SDK2: variants seen among roughly 807,000 people sequenced by gnomAD.
SDK2 encodes the protein protein sidekick-2.
SDK2 carries 105 observed loss-of-function variants against 253.9 expected under a neutral mutation model. That is an observed-to-expected ratio of 0.41 (90% CI 0.35 to 0.49). The LOEUF (loss-of-function observed/expected upper bound fraction) is 0.49, where lower values mean the gene tolerates loss of function less well. Ranked by LOEUF, SDK2 falls within the 20% of genes least tolerant of loss-of-function variation. The probability of loss-of-function intolerance (pLI) is 0.06; values close to 1 mark genes in which losing one functional copy is unlikely to be tolerated. For synonymous variants in SDK2, 1,249 were observed against 1,234.9 expected (o/e 1.01, Z -0.24); for missense variants, 2,608 against 3,003.0 (o/e 0.87, Z 3.07).
At chr17:73,348,816 C>A in intron 43 of SDK2, 91 bp from the exon 44 acceptor site, 2 of 1,036,506 alleles carry the variant, frequency 1.9e-6, no homozygotes, top group Non-Finnish European at 2.8e-6. Context: ...GCCTGGGGAA[C>A]ACGGATCCCT....
chr17:73,416,045 G>C (rs1172105850), intron 16 of SDK2, 53 bp from the exon 17 acceptor site: 6 of 1,515,742 alleles, frequency 4.0e-6, no homozygotes, highest in African/African-American at 1.4e-5. Context: ...CCTTGGCCTC[G>C]TACCCAGGAA....
rs1166629505 is a variant in SDK2 at position 73,348,523 on chromosome 17, C to G, written c.6165+76G>C. On this transcript the variant is annotated intron_variant, in intron 44 of 44. Transcript: ENST00000392650. ...CCCCTTGAAGGAAAGGAAGAAAGCC[C>G]ATCTACGTTCACTGCCCCACTCTGG... The G allele has an allele frequency of 1.4e-5, 21 of 1,526,184 alleles. No individual in the cohort carries two copies. The East Asian group carries it at 4.9e-4, about 36-fold the overall frequency. The allele number at this position is 1,526,184 out of a possible 1,614,324, so 94.5% of individuals were successfully genotyped here.
At chr17:73,578,318 G>A (rs2045485774) in intron 1 of SDK2, among the ~76,000 whole-genome samples, 1 of 152,114 alleles carries the variant, frequency 6.6e-6, no homozygotes, top group Non-Finnish European at 1.5e-5. Flanking sequence ...GCCCGCCTCG[G>A]CCTCCCAAAG....
intron 1 of SDK2, among the ~76,000 whole-genome samples, chr17:73,552,107 G>A (rs1432946541): frequency 6.6e-6 from 1 of 152,088 alleles, no homozygotes; most frequent in Non-Finnish European, 1.5e-5. Flanking sequence ...CCCTGTCTGG[G>A]GCCCAGCTCT....
intron 1 of SDK2, among the ~76,000 whole-genome samples, chr17:73,553,521 G>A (rs931237666): frequency 3.9e-5 from 6 of 152,196 alleles, no homozygotes. Flanking sequence ...CTATGATGGT[G>A]TTTCCTGCAG....
In SDK2 at chr17:73,576,124, A is replaced by T. The variant is rs144073214; in HGVS notation, c.64+67901T>A. Among the ~76,000 whole-genome samples, 229 of 152,314 alleles carry T rather than the reference A, an allele frequency of 1.5e-3. 1 individual carries two copies. Among genetic ancestry groups the T allele is most frequent in the African/African-American group, 5.3e-3 (222 of 41,568 alleles). On this transcript the variant is annotated intron_variant, in intron 1 of 44. Coordinates refer to ENST00000392650, the MANE Select transcript of SDK2 (RefSeq NM_001144952.2). ...CTCGAGGCAAAAGGGGCTGCCTGGG[A>T]TGCCTGGGAGGAAGGTGAGTGTGGG...
chr17:73,599,985 T>C (rs987459360), intron 1 of SDK2, among the ~76,000 whole-genome samples: 1 of 152,246 alleles, frequency 6.6e-6, no homozygotes, highest in Non-Finnish European at 1.5e-5. Flanking sequence ...ACGCTAGACG[T>C]CCATTTAAAA....
intron 1 of SDK2, among the ~76,000 whole-genome samples, chr17:73,582,253 G>T (rs111755940): frequency 7.0e-6 from 1 of 142,760 alleles, no homozygotes; most frequent in Non-Finnish European, 1.5e-5. Context: ...ATTTGGGGGC[G>T]CACACCACGC....
chr17:73,581,288 C>T (rs1443607947), intron 1 of SDK2, among the ~76,000 whole-genome samples: 3 of 152,186 alleles, frequency 2.0e-5, no homozygotes, highest in African/African-American at 7.2e-5. Context: ...TTACACTGGG[C>T]CCTGCAAACT....
intron 1 of SDK2, among the ~76,000 whole-genome samples, chr17:73,572,406 C>T (rs759672588): frequency 1.1e-4 from 16 of 152,146 alleles, no homozygotes; most frequent in Non-Finnish European, 8.8e-5. Flanking sequence ...TGGAGCGCTC[C>T]GACCCCTCTT....
chr17:73,470,507 T>C (rs1432656446), intron 3 of SDK2, among the ~76,000 whole-genome samples: 1 of 152,210 alleles, frequency 6.6e-6, no homozygotes, highest in East Asian at 1.9e-4. Context: ...CTCTCAGCAC[T>C]GACTAAGCGA....
intron 40 of SDK2, among the ~76,000 whole-genome samples, chr17:73,353,008 T>G (rs917808392): frequency 6.6e-6 from 1 of 152,104 alleles, no homozygotes; most frequent in Admixed American, 6.5e-5. Context: ...AGGGAATTGC[T>G]TGAAGCTGGG....
At chr17:73,620,445 G>C (rs535660537) in intron 1 of SDK2, among the ~76,000 whole-genome samples, 5 of 152,188 alleles carry the variant, frequency 3.3e-5, no homozygotes, top group Non-Finnish European at 5.9e-5. Context: ...AAATGGTTCA[G>C]TAACTGTGGA....
chr17:73,614,426 C>G (rs2046021278), intron 1 of SDK2, among the ~76,000 whole-genome samples: 1 of 151,728 alleles, frequency 6.6e-6, no homozygotes, highest in Admixed American at 6.6e-5. Flanking sequence ...CCTGCTTATA[C>G]TCGTTTCCCC....
At chr17:73,411,864 C>T (rs2063128475) in intron 18 of SDK2, among the ~76,000 whole-genome samples, 1 of 149,720 alleles carries the variant, frequency 6.7e-6, no homozygotes, top group African/African-American at 2.5e-5. Flanking sequence ...TTCCGCCTTC[C>T]AGGTTCAAGC....
In SDK2 at chr17:73,471,323, C is replaced by T. The variant is rs184981004; in HGVS notation, c.331+789G>A. On this transcript the variant is annotated intron_variant, in intron 3 of 44. Coordinates refer to ENST00000392650, the MANE Select transcript of SDK2 (RefSeq NM_001144952.2). ...GATGGAAAATAAAAGTCATACTGGG[C>T]GCGGTGGCTCACACCTGTAAACCCA... Among the ~76,000 whole-genome samples, 19 of 152,190 alleles carry T rather than the reference C, an allele frequency of 1.2e-4. No homozygotes were observed. In the East Asian group the frequency reaches 2.9e-3, roughly 23 times the overall value.
intron 1 of SDK2, among the ~76,000 whole-genome samples, chr17:73,509,149 C>T (rs115017675): frequency 0.024 from 3,613 of 152,282 alleles, 140 homozygotes; most frequent in African/African-American, 0.082. Flanking sequence ...GACTTGTCTA[C>T]GTTCACTCCA....
intron 37 of SDK2, among the ~76,000 whole-genome samples, 196 bp downstream of exon 37, chr17:73,368,211 G>C (rs914258092): frequency 1.3e-5 from 2 of 152,092 alleles, no homozygotes; most frequent in Non-Finnish European, 2.9e-5. Flanking sequence ...AGGCTTTATG[G>C]GGACAGCTTC....
At chr17:73,531,614 C>T (rs760153691) in intron 1 of SDK2, among the ~76,000 whole-genome samples, 29 of 152,204 alleles carry the variant, frequency 1.9e-4, no homozygotes, top group Non-Finnish European at 3.8e-4. Flanking sequence ...GCCCTTATCG[C>T]CTCCCAGCCG....
Sources: gnomAD v4.1 joint callset for allele counts (sites outside exome capture counted in the v4.1 genomes callset) on GRCh38, gnomAD v4.1.1 for gene constraint, MANE v1.5 for transcripts, NCBI Gene and HGNC (gene_info 2026-07-23, HGNC 2026-07-21) for gene names.